OGDHL: variants seen among roughly 807,000 people sequenced by gnomAD.
The protein encoded by OGDHL is oxoglutarate dehydrogenase L.
Under a neutral mutation model 109.6 loss-of-function variants are expected in OGDHL, and 79 were observed. The observed-to-expected ratio is 0.72, with a 90% confidence interval of 0.60 to 0.87. The LOEUF is 0.87. Ranked by LOEUF, OGDHL falls within the 40% of genes least tolerant of loss-of-function variation. OGDHL has a pLI of 0.00. For synonymous variants in OGDHL, 528 were observed against 537.2 expected (o/e 0.98, Z 0.24); for missense variants, 1,275 against 1,362.2 (o/e 0.94, Z 1.01).
chr10:49,754,868 T>C, intron 3 of OGDHL, among the ~76,000 whole-genome samples: 1 of 152,088 alleles, frequency 6.6e-6, no homozygotes, highest in Non-Finnish European at 1.5e-5. Flanking sequence ...AGAGGGAACC[T>C]GCAAAGTACA....
At chr10:49,738,332 C>A (rs532959507) in intron 17 of OGDHL, 70 bp from the exon 18 acceptor site, 7 of 1,558,586 alleles carry the variant, frequency 4.5e-6, no homozygotes, top group Non-Finnish European at 6.2e-6. Flanking sequence ...TGCAGGGACC[C>A]CAGGCTCAGG....
chr10:49,736,733 G>A (rs1841225497), intron 20 of OGDHL, among the ~76,000 whole-genome samples: 1 of 152,170 alleles, frequency 6.6e-6, no homozygotes, highest in Admixed American at 6.5e-5. Context: ...AGACACCCAA[G>A]GGTTGAGCCC....
In OGDHL at chr10:49,740,733, G is replaced by C. The variant is rs267602512; in HGVS notation, c.2117C>G (p.Ser706Cys). Residue 706 changes from serine (S) to cysteine (C), a missense_variant, in exon 16 of 23, where the codon TCC (serine) becomes TGC (cysteine). Physicochemically the swap from Ser to Cys is moderately radical, Grantham distance 112. Coordinates refer to ENST00000374103, the MANE Select transcript of OGDHL (RefSeq NM_018245.3). ...ACCCAGGACTCCGTACTCCGAGAGG[G>C]AGCTGTTGCACACGGTGTACGGGGC... is the stretch of plus-strand genomic sequence containing the variant. Reference protein sequence around the residue: ...DQAPYTVCNSSLSEYGVLGFE... With the variant: ...DQAPYTVCNSCLSEYGVLGFE... 3 of 1,613,856 alleles carry C rather than the reference G, an allele frequency of 1.9e-6. No individual in the cohort carries two copies. The highest frequency in any genetic ancestry group is 2.2e-5 in the South Asian group (2 of 91,068).
chr10:49,758,610 A>C lies in OGDHL; in HGVS notation c.-1-17T>G. On this transcript the variant is annotated splice_polypyrimidine_tract_variant and intron_variant, in intron 1 of 22. Coordinates refer to ENST00000374103, the MANE Select transcript of OGDHL (RefSeq NM_018245.3). ...TGACTCATTCTGGACACAGGCAATG[A>C]AGGAGAGGCATAAATGGCAGGACCA... The C allele has an allele frequency of 6.2e-7, 1 of 1,612,664 alleles. No homozygotes were observed. The highest frequency in any genetic ancestry group is 8.5e-7 in the Non-Finnish European group (1 of 1,179,708).
At chr10:49,748,734 G>C (rs993462843) in intron 8 of OGDHL, among the ~76,000 whole-genome samples, 7 of 127,174 alleles carry the variant, frequency 5.5e-5, no homozygotes, top group African/African-American at 2.2e-4. Context: ...GAGCCAGTAG[G>C]TATGGGTCCA....
chr10:49,738,832 C>A (rs369105339), intron 17 of OGDHL: 2 of 155,572 alleles, frequency 1.3e-5, no homozygotes, highest in Non-Finnish European at 2.8e-5. Flanking sequence ...TCCTGCAGGA[C>A]GGGGATGACC....
intron 15 of OGDHL, among the ~76,000 whole-genome samples, chr10:49,741,944 T>TCA (rs1194428222): frequency 1.2e-5 from 1 of 86,288 alleles, no homozygotes; most frequent in East Asian, 4.9e-4. Context: ...ACAAACACAA[T>TCA]CACACACACC....
At chr10:49,743,865 C>T (rs1389461281) in intron 14 of OGDHL, 129 bp downstream of exon 14, 6 of 1,180,510 alleles carry the variant, frequency 5.1e-6, no homozygotes, top group East Asian at 5.1e-5. Flanking sequence ...CCGAGAGCTA[C>T]GTGGACCCAC....
intron 22 of OGDHL, among the ~76,000 whole-genome samples, chr10:49,735,664 C>G (rs1841102139): frequency 6.6e-6 from 1 of 152,188 alleles, no homozygotes; most frequent in Non-Finnish European, 1.5e-5. Flanking sequence ...TTCTCAGGAC[C>G]CTCTCCCATC....
Position 49,749,714 on chromosome 10 carries a change from C to A in OGDHL, c.987+12G>T, listed in dbSNP as rs770505763. Reference sequence around the variant, plus strand: ...CTCTCCAAGGGTGCCGGGACCTGGGCATGGCACCCACCTCGTCCGCCGCCT... The same window carrying A: ...CTCTCCAAGGGTGCCGGGACCTGGGAATGGCACCCACCTCGTCCGCCGCCT... On this transcript the variant is annotated intron_variant, in intron 8 of 22. Coordinates refer to ENST00000374103, the MANE Select transcript of OGDHL (RefSeq NM_018245.3). The A allele has an allele frequency of 2.4e-5, 38 of 1,577,342 alleles. No homozygotes were observed. The highest frequency in any genetic ancestry group is 3.0e-5 in the Non-Finnish European group (35 of 1,166,902).
At chr10:49,754,036 G>A (rs1446684932) in intron 3 of OGDHL, among the ~76,000 whole-genome samples, 1 of 152,168 alleles carries the variant, frequency 6.6e-6, no homozygotes, top group Non-Finnish European at 1.5e-5. Context: ...GATTGACAGG[G>A]TCAAGGACAA....
rs957896163 is a variant in OGDHL, at chr10:49,738,203, C to T, written c.2379G>A (p.Ser793=). 7 of 1,613,926 alleles carry T rather than the reference C, an allele frequency of 4.3e-6. No homozygotes were observed. Among genetic ancestry groups the T allele is most frequent in the Middle Eastern group, 1.7e-4 (1 of 6,000 alleles). Residue 793 remains serine (S), a synonymous_variant, in exon 18 of 23, where the codon TCG becomes TCA. Coordinates refer to ENST00000374103, the MANE Select transcript of OGDHL (RefSeq NM_018245.3). ...ERFLQMSNDD[S]DAYPAFTKDF... is the part of the protein sequence containing the mutation. ...CAGCAACACTCACAGGGTAGGCATC[C>T]GAGTCATCATTGCTCATCTGCAGGA...
chr10:49,747,339 G>A (rs987102747), intron 8 of OGDHL, 131 bp from the exon 9 acceptor site: 38 of 929,228 alleles, frequency 4.1e-5, no homozygotes, highest in African/African-American at 3.9e-4. Context: ...GGGCCAAGCT[G>A]TCTCTGACCC....
At chr10:49,748,531 GA>G (rs985884601) in intron 8 of OGDHL, among the ~76,000 whole-genome samples, 1 of 151,578 alleles carries the variant, frequency 6.6e-6, no homozygotes, top group African/African-American at 2.4e-5. Context: ...TTTTTCAGTT[GA>G]AAAAAAATAG....
At position 49,756,802 on chromosome 10, in the gene OGDHL, C is replaced by A. The variant is rs769917058; in HGVS notation, c.349G>T (p.Val117Leu). 6.2e-7 allele frequency: 1 copy of A among 1,613,770 alleles called. No individual in the cohort carries two copies. Among genetic ancestry groups the A allele is most frequent in the Admixed American group, 1.7e-5 (1 of 60,004 alleles). ...TSKLVEDHLA[V>L]QSLIRAYQIR... ...TGGTAGGCCCGGATCAGGGACTGCA[C>A]AGCCAGGTGGTCCTCCACCAATTTG... Residue 117 changes from valine to leucine, a missense_variant, in exon 3 of 23, where the codon GTG becomes TTG. Val to Leu is a conservative substitution (Grantham distance 32). Coordinates refer to ENST00000374103, the MANE Select transcript of OGDHL (RefSeq NM_018245.3).
Position 49,738,216 on chromosome 10 carries a change from C to T in OGDHL, c.2366G>A (p.Ser789Asn). 6.2e-7 allele frequency: 1 copy of T among 1,613,976 alleles called. No individual in the cohort carries two copies. Among genetic ancestry groups the T allele is most frequent in the African/African-American group, 1.3e-5 (1 of 75,036 alleles). ...SARPERFLQM[S>N]NDDSDAYPAF... ...AGGGTAGGCATCCGAGTCATCATTGCTCATCTGCAGGAACCTTTCGGGCCT... is the reference window on the plus strand; with the variant it reads ...AGGGTAGGCATCCGAGTCATCATTGTTCATCTGCAGGAACCTTTCGGGCCT... Residue 789 changes from serine (S) to asparagine (N), a missense_variant, in exon 18 of 23, where the codon AGC (serine) becomes AAC (asparagine). Transcript: ENST00000374103.
At chr10:49,742,694 T>C in intron 15 of OGDHL, 134 bp downstream of exon 15, 1 of 1,192,976 alleles carries the variant, frequency 8.4e-7, no homozygotes. Flanking sequence ...GGCCATCTGA[T>C]GATGCCACCT....
intron 11 of OGDHL, 108 bp downstream of exon 11, chr10:49,745,690 C>A: frequency 7.2e-7 from 1 of 1,395,880 alleles, no homozygotes; most frequent in Non-Finnish European, 9.8e-7. Context: ...ATCTCTCATC[C>A]AAGAAGCACT....
intron 15 of OGDHL, among the ~76,000 whole-genome samples, chr10:49,742,048 ACACG>A (rs1229888922): frequency 8.7e-5 from 12 of 138,154 alleles, no homozygotes; most frequent in Non-Finnish European, 9.3e-5. Flanking sequence ...CACACATATC[ACACG>A]CACACCACAC....
Sources: allele counts gnomAD v4.1 joint callset (sites outside exome capture counted in the v4.1 genomes callset), GRCh38; gene constraint gnomAD v4.1.1; transcripts MANE v1.5; gene names NCBI Gene and HGNC (gene_info 2026-07-23, HGNC 2026-07-21).